Variants in CDH13 observed in about 807,000 individuals in gnomAD.
The protein encoded by CDH13 is cadherin-13.
CDH13 carries 24 observed loss-of-function variants against 63.8 expected under a neutral mutation model. The ratio of observed to expected loss-of-function variants is 0.38; its 90% confidence interval spans 0.27 to 0.53. The LOEUF is 0.53. CDH13 is among the 20% of genes least tolerant of loss of function. The pLI is 0.85. For synonymous variants in CDH13, 503 were observed against 355.3 expected (o/e 1.42, Z -4.67); for missense variants, 1,049 against 903.1 (o/e 1.16, Z -2.07).
intron 10 of CDH13, among the ~76,000 whole-genome samples, chr16:83,705,367 A>G (rs1162077350): frequency 6.6e-6 from 1 of 152,216 alleles, no homozygotes; most frequent in Admixed American, 6.5e-5. Flanking sequence ...TCACGCCTGT[A>G]ATCCTAGCAC....
intron 3 of CDH13, among the ~76,000 whole-genome samples, chr16:83,099,773 CA>C (rs2034385517): frequency 6.6e-6 from 1 of 151,890 alleles, no homozygotes; most frequent in Non-Finnish European, 1.5e-5. Flanking sequence ...ATAATAAAAC[CA>C]AAAGGCTGTT....
At chr16:83,533,573 C>T (rs915982697) in intron 7 of CDH13, among the ~76,000 whole-genome samples, 1 of 151,558 alleles carries the variant, frequency 6.6e-6, no homozygotes, top group Admixed American at 6.6e-5. Context: ...CCCACGGCTT[C>T]CTTAGTTGTG....
At chr16:82,640,747 A>G (rs556954085) in intron 1 of CDH13, among the ~76,000 whole-genome samples, 3 of 152,228 alleles carry the variant, frequency 2.0e-5, no homozygotes, top group African/African-American at 7.2e-5. Flanking sequence ...CTTTAGGGTC[A>G]CATATCACTA....
At chr16:83,221,692 G>A (rs2039705439) in intron 5 of CDH13, among the ~76,000 whole-genome samples, 1 of 151,982 alleles carries the variant, frequency 6.6e-6, no homozygotes, top group African/African-American at 2.4e-5. Flanking sequence ...TCTGCAGGAG[G>A]TGCAGGGCAA....
intron 7 of CDH13, among the ~76,000 whole-genome samples, chr16:83,509,838 A>T (rs2074515214): frequency 6.6e-6 from 1 of 152,120 alleles, no homozygotes; most frequent in African/African-American, 2.4e-5. Context: ...AGTTTGGAGG[A>T]CCTTGTTTTC....
At chr16:83,451,462 A>C (rs1340296997) in intron 6 of CDH13, among the ~76,000 whole-genome samples, 6 of 152,192 alleles carry the variant, frequency 3.9e-5, no homozygotes, top group Admixed American at 3.9e-4. Flanking sequence ...TGTGGGAGCT[A>C]CAATTCAAGA....
chr16:83,771,556 A>C (rs1221196820), intron 11 of CDH13, among the ~76,000 whole-genome samples: 1 of 152,226 alleles, frequency 6.6e-6, no homozygotes, highest in East Asian at 1.9e-4. Flanking sequence ...CATGGTCTAA[A>C]AGGCATAGTC....
At chr16:83,405,082 A>G (rs1305775264) in intron 6 of CDH13, among the ~76,000 whole-genome samples, 1 of 152,164 alleles carries the variant, frequency 6.6e-6, no homozygotes, top group Non-Finnish European at 1.5e-5. Context: ...CAGTACAGTA[A>G]GAAAAGTAGA....
chr16:82,642,455 T>A (rs192598979), intron 1 of CDH13, among the ~76,000 whole-genome samples: 38 of 152,360 alleles, frequency 2.5e-4, no homozygotes, highest in African/African-American at 9.1e-4. Flanking sequence ...GATATAATTT[T>A]ATAGCATTTA....
intron 3 of CDH13, among the ~76,000 whole-genome samples, chr16:83,033,355 C>T (rs975749470): frequency 2.0e-5 from 3 of 151,650 alleles, no homozygotes; most frequent in African/African-American, 7.3e-5. Flanking sequence ...TTGCATTTAA[C>T]AGGTCATAGG....
At chr16:83,654,933 C>T (rs1327736965) in intron 8 of CDH13, 9 of 152,206 alleles carry the variant, frequency 5.9e-5, no homozygotes, top group Admixed American at 5.2e-4. Flanking sequence ...CACGTGTTCT[C>T]AGTCCACCAG....
intron 10 of CDH13, among the ~76,000 whole-genome samples, chr16:83,693,754 C>T (rs1327378315): frequency 1.3e-5 from 2 of 152,200 alleles, no homozygotes; most frequent in Admixed American, 1.3e-4. Context: ...TTTTCTAGAG[C>T]ACACATATAA....
chr16:83,408,573 G>T lies in CDH13; in HGVS notation c.781+63567G>T, dbSNP rs142685307. Among the ~76,000 whole-genome samples, 528 of 152,186 alleles carry T rather than the reference G, an allele frequency of 3.5e-3. 7 individuals are homozygous for T. The highest frequency in any genetic ancestry group is 0.012 in the African/African-American group (510 of 41,510). Reference sequence around the variant, plus strand: ...AAATACAGTATAAAATATTTAAAATGGTATCCCTGTATAGGAAAGCTCGAT... The same window carrying T: ...AAATACAGTATAAAATATTTAAAATTGTATCCCTGTATAGGAAAGCTCGAT... On this transcript the variant is annotated intron_variant, in intron 6 of 13. Transcript: ENST00000567109.
chr16:83,149,654 A>G (rs1292034992), intron 4 of CDH13, among the ~76,000 whole-genome samples: 1 of 152,220 alleles, frequency 6.6e-6, no homozygotes, highest in Non-Finnish European at 1.5e-5. Context: ...AAAGGAAGTT[A>G]CACTGGTTTC....
At chr16:83,453,238 G>A (rs954750666) in intron 6 of CDH13, among the ~76,000 whole-genome samples, 1 of 152,036 alleles carries the variant, frequency 6.6e-6, no homozygotes, top group African/African-American at 2.4e-5. Context: ...AGTGTATGAG[G>A]GATAAAAGAC....
At chr16:83,330,698 C>T (rs905407702) in intron 5 of CDH13, among the ~76,000 whole-genome samples, 3 of 152,190 alleles carry the variant, frequency 2.0e-5, no homozygotes, top group Non-Finnish European at 2.9e-5. Context: ...TGACCACCTT[C>T]CTCAGATTGC....
intron 7 of CDH13, among the ~76,000 whole-genome samples, chr16:83,529,553 A>G (rs942233961): frequency 6.6e-6 from 1 of 152,226 alleles, no homozygotes; most frequent in Non-Finnish European, 1.5e-5. Context: ...GCTTACATAA[A>G]GAAATGTGCA....
At chr16:83,068,025 C>G (rs1364098514) in intron 3 of CDH13, among the ~76,000 whole-genome samples, 3 of 152,120 alleles carry the variant, frequency 2.0e-5, no homozygotes, top group African/African-American at 7.2e-5. Flanking sequence ...GTCAATCCTC[C>G]CAGCTCCTCT....
At chr16:82,748,821 C>G (rs2034290557) in intron 1 of CDH13, among the ~76,000 whole-genome samples, 1 of 152,164 alleles carries the variant, frequency 6.6e-6, no homozygotes, top group Non-Finnish European at 1.5e-5. Context: ...TTCCCAGCAT[C>G]TTTTCCCTCC....
Sources: gnomAD v4.1 joint callset for allele counts (sites outside exome capture counted in the v4.1 genomes callset) on GRCh38, gnomAD v4.1.1 for gene constraint, MANE v1.5 for transcripts, NCBI Gene and HGNC (gene_info 2026-07-23, HGNC 2026-07-21) for gene names.